Variants in TBL1XR1 observed in about 807,000 individuals in gnomAD.
The protein encoded by TBL1XR1 is F-box-like/WD repeat-containing protein TBL1XR1.
TBL1XR1 carries 5 observed loss-of-function variants against 66.9 expected under a neutral mutation model. That is an observed-to-expected ratio of 0.07 (90% CI 0.04 to 0.16). The LOEUF (loss-of-function observed/expected upper bound fraction) is 0.16, where lower values mean the gene tolerates loss of function less well. Among genes scored for constraint, TBL1XR1 ranks in the 10% least tolerant of loss-of-function variants. TBL1XR1 has a pLI of 1.00. For missense variants in TBL1XR1, 238 were observed against 623.2 expected (o/e 0.38, Z 6.58); for synonymous variants, 210 against 206.0 (o/e 1.02, Z -0.17).
At chr3:177,201,402 G>A (rs1009869421), upstream of TBL1XR1, among the ~76,000 whole-genome samples, 6 of 119,094 alleles carry the variant, frequency 5.0e-5, no homozygotes, top group Admixed American at 1.0e-4. Flanking sequence ...GTGACAGAGT[G>A]AGATTACATC....
At chr3:177,036,885 T>C (rs998824428) in intron 12 of TBL1XR1, among the ~76,000 whole-genome samples, 3 of 152,200 alleles carry the variant, frequency 2.0e-5, no homozygotes, top group African/African-American at 7.2e-5. Context: ...GATAAAACTG[T>C]TTTCAGTAGA....
chr3:177,066,036 T>G lies in TBL1XR1; in HGVS notation c.-45-1014A>C, dbSNP rs547067371. Among the ~76,000 whole-genome samples, 9 of 152,308 alleles carry G rather than the reference T, an allele frequency of 5.9e-5. No individual in the cohort carries two copies. The South Asian group carries it at 1.7e-3, about 28-fold the overall frequency. ...CTAGATTTGGTCCACAGAGTGTAGT[T>G]TGCCAATTCCTCTTTAAAAATGATA... On this transcript the variant is annotated intron_variant, in intron 2 of 15. Transcript: ENST00000457928.
At chr3:177,192,120 G>T (rs1255940336) in intron 1 of TBL1XR1, among the ~76,000 whole-genome samples, 1 of 139,382 alleles carries the variant, frequency 7.2e-6, no homozygotes. Flanking sequence ...AGTTGAAGCT[G>T]GGCGCGGTGG....
intron 1 of TBL1XR1, among the ~76,000 whole-genome samples, chr3:177,172,667 G>A (rs61217656): frequency 6.9e-4 from 87 of 126,964 alleles, no homozygotes; most frequent in African/African-American, 2.5e-3. Context: ...GAGAGAGAAG[G>A]GAGGGGAGGG....
chr3:177,150,706 A>G (rs994671221), intron 1 of TBL1XR1, among the ~76,000 whole-genome samples: 1 of 152,346 alleles, frequency 6.6e-6, no homozygotes. Context: ...GTGGAAAAAT[A>G]TGTCCTGTGT....
intron 1 of TBL1XR1, among the ~76,000 whole-genome samples, chr3:177,106,216 A>G (rs1019151753): frequency 6.6e-6 from 1 of 152,192 alleles, no homozygotes; most frequent in Admixed American, 6.5e-5. Flanking sequence ...TGTGTGACAA[A>G]ATTTTAAGTA....
chr3:177,079,178 T>A (rs1258040204), intron 2 of TBL1XR1, among the ~76,000 whole-genome samples: 1 of 151,934 alleles, frequency 6.6e-6, no homozygotes, highest in African/African-American at 2.4e-5. Context: ...ACACCTGTAA[T>A]CCCAGCACTT....
rs80064618 is a variant in TBL1XR1, at chr3:177,028,712, T to G, written c.1417-2238A>C. Among the ~76,000 whole-genome samples, 929 of 152,220 alleles carry G rather than the reference T, an allele frequency of 6.1e-3. 16 individuals carry two copies. Among genetic ancestry groups the G allele is most frequent in the African/African-American group, 0.021 (873 of 41,536 alleles). On this transcript the variant is annotated intron_variant, in intron 14 of 15. Transcript: ENST00000457928. ...AAATTCAAGGCACTCATAAACAAAA[T>G]CCAAAATTGTGTGCTCTGTTTTGGA...
chr3:177,112,109 T>TATATA (rs1560188974), intron 1 of TBL1XR1, among the ~76,000 whole-genome samples: 92 of 36,878 alleles, frequency 2.5e-3, no homozygotes, highest in South Asian at 7.6e-3. Context: ...ATATATATAT[T>TATATA]TTTTTTTTTT....
chr3:177,135,161 C>T (rs914350747), intron 1 of TBL1XR1, among the ~76,000 whole-genome samples: 2 of 150,638 alleles, frequency 1.3e-5, no homozygotes, highest in Non-Finnish European at 3.0e-5. Context: ...ACCACCACGT[C>T]CGACTAATTT....
intron 1 of TBL1XR1, among the ~76,000 whole-genome samples, chr3:177,181,426 G>A (rs139456491): frequency 1.5e-3 from 219 of 147,120 alleles, no homozygotes; most frequent in African/African-American, 5.2e-3. Flanking sequence ...GTTACAGTAA[G>A]CCAAGAGCAT....
rs1450565910 is a variant in TBL1XR1, at chr3:177,026,410, G to A, written c.1481C>T (p.Ala494Val). The A allele has an allele frequency of 5.6e-6, 9 of 1,612,820 alleles. No homozygotes were observed. The highest frequency in any genetic ancestry group is 7.6e-6 in the Non-Finnish European group (9 of 1,179,480). The stretch of plus-strand genomic sequence containing the variant: ...TGCACTGGCTCCAACTTTGTCTCCT[G>A]CTGCATTCCAGCAAACTTCAAATAT... ...GGIFEVCWNA[A>V]GDKVGASASD... Residue 494 changes from alanine to valine, a missense_variant, in exon 15 of 16, where the codon GCA becomes GTA. Ala to Val is a moderately conservative substitution (Grantham distance 64, BLOSUM62 0). Transcript: ENST00000457928.
chr3:177,193,551 C>T (rs1038722275), intron 1 of TBL1XR1, among the ~76,000 whole-genome samples: 2 of 152,258 alleles, frequency 1.3e-5, no homozygotes, highest in East Asian at 1.9e-4. Context: ...CCTCGTGATC[C>T]GCCCGCCTTG....
chr3:177,112,806 C>T (rs867671962), intron 1 of TBL1XR1, among the ~76,000 whole-genome samples: 21 of 152,014 alleles, frequency 1.4e-4, no homozygotes, highest in African/African-American at 5.1e-4. Flanking sequence ...AGTTCGAAAC[C>T]AGCCTGGCCA....
chr3:177,149,895 A>G (rs2108848536), intron 1 of TBL1XR1, among the ~76,000 whole-genome samples: 1 of 152,352 alleles, frequency 6.6e-6, no homozygotes, highest in East Asian at 1.9e-4. Flanking sequence ...AATCCTTTAC[A>G]TAAACAGTGT....
intron 1 of TBL1XR1, chr3:177,194,065 G>T (rs1055450463): frequency 6.6e-6 from 1 of 152,204 alleles, no homozygotes; most frequent in Non-Finnish European, 1.5e-5. Flanking sequence ...CACTCTTACC[G>T]AATCCAATCC....
intron 12 of TBL1XR1, among the ~76,000 whole-genome samples, chr3:177,035,564 C>CCG (rs1347348035): frequency 6.6e-6 from 1 of 152,114 alleles, no homozygotes; most frequent in Non-Finnish European, 1.5e-5. Flanking sequence ...TAGGCACCTG[C>CCG]CGCCACGCTC....
chr3:177,189,133 A>G (rs1373820578), intron 1 of TBL1XR1, among the ~76,000 whole-genome samples: 2 of 152,040 alleles, frequency 1.3e-5, no homozygotes, highest in Non-Finnish European at 2.9e-5. Flanking sequence ...GCTTGAACCC[A>G]GGAGGTGGAG....
chr3:177,041,266 G>T (rs1715541160), intron 10 of TBL1XR1: 1 of 152,384 alleles, frequency 6.6e-6, no homozygotes, highest in Non-Finnish European at 1.5e-5. Flanking sequence ...CTGCTGCTCT[G>T]TATCCAAGCT....
Sources: allele counts gnomAD v4.1 joint callset (sites outside exome capture counted in the v4.1 genomes callset), GRCh38; gene constraint gnomAD v4.1.1; transcripts MANE v1.5; gene names NCBI Gene and HGNC (gene_info 2026-07-23, HGNC 2026-07-21).